The following SMCHD1 variants were observed in gnomAD, a reference collection of about 807,000 sequenced individuals.
The protein encoded by SMCHD1 is structural maintenance of chromosomes flexible hinge domain-containing protein 1.
SMCHD1 carries 78 observed loss-of-function variants against 254.7 expected under a neutral mutation model. That is an observed-to-expected ratio of 0.31 (90% CI 0.26 to 0.37). The LOEUF (loss-of-function observed/expected upper bound fraction) is 0.37. Ranked by LOEUF, SMCHD1 falls within the 10% of genes least tolerant of loss-of-function variation. SMCHD1 has a pLI of 1.00. For synonymous variants in SMCHD1, 766 were observed against 794.9 expected (o/e 0.96, Z 0.61); for missense variants, 1,840 against 2,408.1 (o/e 0.76, Z 4.94).
chr18:2,768,611 T>G (rs918165080), intron 37 of SMCHD1, among the ~76,000 whole-genome samples: 1 of 134,952 alleles, frequency 7.4e-6, no homozygotes, highest in Non-Finnish European at 1.7e-5. Flanking sequence ...TATAGTATAG[T>G]GTACTATATA....
Position 2,688,402 on chromosome 18 carries a change from C to T in SMCHD1, c.647C>T (p.Ser216Leu). Residue 216 changes from serine to leucine, a missense_variant, in exon 6 of 48, where the codon TCA (serine) becomes TTA (leucine). Physicochemically the swap from Ser to Leu is moderately radical, Grantham distance 145. This residue lies in a region of SMCHD1 where 498 missense variants were observed against 743.5 expected (regional missense o/e 0.67). Transcript: ENST00000320876. ...TTAATGTTTTATTTTAGTGATCATT[C>T]AGGATATGTTCGTCCAGTACCAGTG... Reference protein sequence around the residue: ...TRQGDFESDHSGYVRPVPVPR... With the variant: ...TRQGDFESDHLGYVRPVPVPR... 1 of 1,609,466 alleles carries T rather than the reference C, an allele frequency of 6.2e-7. No homozygotes were observed.
Position 2,775,806 on chromosome 18 carries a change from G to A in SMCHD1, c.5248G>A (p.Asp1750Asn). The A allele has an allele frequency of 6.2e-7, 1 of 1,613,396 alleles. No individual in the cohort carries two copies. The highest frequency in any genetic ancestry group is 2.2e-5 in the East Asian group (1 of 44,808). ...TTCTTGGCATCTGGCAAGTGACATG[G>A]ACTGTGTAGTCACCCTAACCACTGA... ...VISWHLASDMDCVVTLTTDAA... is the reference protein window; with the variant it reads ...VISWHLASDMNCVVTLTTDAA... The change falls in exon 42 of 48, where the codon GAC (aspartate) becomes AAC (asparagine). Residue 1750 changes from aspartate to asparagine, a missense_variant. Coordinates refer to ENST00000320876, the MANE Select transcript of SMCHD1 (RefSeq NM_015295.3).
chr18:2,736,483 T>TA (rs2075251355), intron 25 of SMCHD1, among the ~76,000 whole-genome samples: 1 of 151,880 alleles, frequency 6.6e-6, no homozygotes. Context: ...TACAGAATGG[T>TA]AAAAAATATT....
At chr18:2,768,846 A>G (rs1260245003) in intron 37 of SMCHD1, among the ~76,000 whole-genome samples, 1 of 151,274 alleles carries the variant, frequency 6.6e-6, no homozygotes, top group Non-Finnish European at 1.5e-5. Context: ...GTTTGCATTT[A>G]TGTAAGTCTG....
chr18:2,768,869 T>G (rs1200623092), intron 37 of SMCHD1, among the ~76,000 whole-genome samples: 1 of 136,568 alleles, frequency 7.3e-6, no homozygotes, highest in African/African-American at 2.4e-5. Context: ...GAAAACCACA[T>G]TCAGAAACTG....
intron 5 of SMCHD1, among the ~76,000 whole-genome samples, chr18:2,680,206 T>G (rs2073893754): frequency 6.6e-6 from 1 of 152,236 alleles, no homozygotes. Flanking sequence ...TTCCTGTGTG[T>G]GAACCATACT....
At chr18:2,658,806 GTATACA>G (rs1284340478) in intron 1 of SMCHD1, among the ~76,000 whole-genome samples, 2 of 151,266 alleles carry the variant, frequency 1.3e-5, no homozygotes, top group Admixed American at 1.3e-4. Flanking sequence ...CAAAGCTTAT[GTATACA>G]TATACATATA....
chr18:2,669,724 G>T (rs920514684), intron 3 of SMCHD1, among the ~76,000 whole-genome samples: 2 of 152,176 alleles, frequency 1.3e-5, no homozygotes, highest in Non-Finnish European at 2.9e-5. Flanking sequence ...TTGAAGTCCA[G>T]TTTTATCCAT....
chr18:2,760,244 T>C (rs559840492), intron 34 of SMCHD1, among the ~76,000 whole-genome samples: 1 of 152,302 alleles, frequency 6.6e-6, no homozygotes, highest in East Asian at 1.9e-4. Context: ...CAAATAGTAC[T>C]TGAATGGAAA....
At chr18:2,779,285 G>C (rs1456659088) in intron 44 of SMCHD1, among the ~76,000 whole-genome samples, 1 of 152,168 alleles carries the variant, frequency 6.6e-6, no homozygotes, top group Admixed American at 6.5e-5. Flanking sequence ...GCCTTATGTA[G>C]CTGGCAACTG....
At chr18:2,667,799 AAAGTG>A (rs2073479509) in intron 3 of SMCHD1, among the ~76,000 whole-genome samples, 1 of 152,226 alleles carries the variant, frequency 6.6e-6, no homozygotes, top group Admixed American at 6.5e-5. Context: ...GTTTAAAAAT[AAAGTG>A]AACATCTTTT....
At chr18:2,710,153 A>G (rs1195627607) in intron 17 of SMCHD1, among the ~76,000 whole-genome samples, 1 of 152,198 alleles carries the variant, frequency 6.6e-6, no homozygotes, top group Non-Finnish European at 1.5e-5. Flanking sequence ...GTCAAAGACT[A>G]TACTTTCTCT....
At chr18:2,777,073 T>A (rs1313253502) in intron 42 of SMCHD1, among the ~76,000 whole-genome samples, 3 of 99,698 alleles carry the variant, frequency 3.0e-5, no homozygotes, top group East Asian at 4.1e-4. Context: ...CCCCCCCCCA[T>A]ACCCTAATAC....
chr18:2,795,561 T>G (rs1314750658), intron 45 of SMCHD1, among the ~76,000 whole-genome samples: 1 of 152,206 alleles, frequency 6.6e-6, no homozygotes, highest in Non-Finnish European at 1.5e-5. Context: ...AAATAGTGAT[T>G]TCTAACAACA....
chr18:2,683,245 A>G (rs879165233), intron 5 of SMCHD1, among the ~76,000 whole-genome samples: 1 of 151,930 alleles, frequency 6.6e-6, no homozygotes, highest in African/African-American at 2.4e-5. Flanking sequence ...TTTTTTCTTA[A>G]TAAACATTAG....
At chr18:2,774,854 G>A (rs2143766302) in intron 41 of SMCHD1, among the ~76,000 whole-genome samples, 1 of 152,318 alleles carries the variant, frequency 6.6e-6, no homozygotes, top group Middle Eastern at 3.4e-3. Flanking sequence ...CAATCTTGGT[G>A]GACTTGACTT....
chr18:2,692,616 T>G (rs2074204417), intron 7 of SMCHD1, among the ~76,000 whole-genome samples: 1 of 152,214 alleles, frequency 6.6e-6, no homozygotes, highest in Non-Finnish European at 1.5e-5. Flanking sequence ...CGCTTCATCT[T>G]TTATCATGTT....
chr18:2,777,317 ACTAC>A (rs1463030665), intron 42 of SMCHD1, among the ~76,000 whole-genome samples: 1 of 152,198 alleles, frequency 6.6e-6, no homozygotes, highest in African/African-American at 2.4e-5. Context: ...ACCCCAATCA[ACTAC>A]CATCTCTGAA....
intron 7 of SMCHD1, among the ~76,000 whole-genome samples, chr18:2,692,252 T>C (rs1028824191): frequency 2.0e-5 from 3 of 152,154 alleles, no homozygotes; most frequent in Non-Finnish European, 4.4e-5. Flanking sequence ...TTTGGTACCT[T>C]TGAAGTCAAA....
Sources: allele counts gnomAD v4.1 joint callset (sites outside exome capture counted in the v4.1 genomes callset), GRCh38; gene constraint gnomAD v4.1.1; regional missense constraint gnomAD v4.1.1; transcripts MANE v1.5; gene names NCBI Gene and HGNC (gene_info 2026-07-23, HGNC 2026-07-21).